The following PTCHD4 variants were observed in gnomAD, a reference collection of about 807,000 sequenced individuals.
PTCHD4 encodes the protein patched domain-containing protein 4.
PTCHD4 carries 33 observed loss-of-function variants against 58.1 expected under a neutral mutation model. That is an observed-to-expected ratio of 0.57 (90% CI 0.43 to 0.76). The LOEUF is 0.76. Ranked by LOEUF, PTCHD4 falls within the 30% of genes least tolerant of loss-of-function variation. The probability of loss-of-function intolerance (pLI) is 0.00; values close to 1 mark genes in which losing one functional copy is unlikely to be tolerated. For synonymous variants in PTCHD4, 478 were observed against 409.6 expected (o/e 1.17, Z -2.02); for missense variants, 1,058 against 1,027.1 (o/e 1.03, Z -0.41).
rs779799190 is a variant in PTCHD4, at chr6:48,008,801, G to C, written c.731C>G (p.Thr244Arg). 6.2e-7 allele frequency: 1 copy of C among 1,614,020 alleles called. No homozygotes were observed. The highest frequency in any genetic ancestry group is 1.7e-5 in the Admixed American group (1 of 60,008). The change falls in exon 4 of 5, where the codon ACA (threonine) becomes AGA (arginine). Residue 244 changes from threonine to arginine, a missense_variant. By Grantham distance (71) the Thr-to-Arg change is moderately conservative. Transcript: ENST00000339488. ...VLVSLVLILT[T>R]ATLSSSMKDC... The stretch of plus-strand genomic sequence containing the variant: ...CTTCATGGAGCTGGAGAGGGTGGCT[G>C]TGGTCAGGATCAGCACGAGGCTCAC...
In PTCHD4 at chr6:47,861,897, G is replaced by A. The variant is rs1417418502; in HGVS notation, c.*16406C>T. ...GGATGGATTAATGAATGAATGATAT[G>A]GCTAGTTCATCAGGTCATTTTATTT... On this transcript the variant is annotated 3_prime_UTR_variant, in exon 5 of 5. Transcript: ENST00000339488. Among the ~76,000 whole-genome samples, 1 of 151,784 alleles carries A rather than the reference G, an allele frequency of 6.6e-6. No homozygotes were observed. The highest frequency in any genetic ancestry group is 1.5e-5 in the Non-Finnish European group (1 of 67,868).
At chr6:47,959,808 A>T (rs1767009584) in intron 4 of PTCHD4, among the ~76,000 whole-genome samples, 1 of 152,052 alleles carries the variant, frequency 6.6e-6, no homozygotes, top group African/African-American at 2.4e-5. Flanking sequence ...CTACATCTAC[A>T]GAAAATATCA....
chr6:47,987,649 C>A (rs1463586330), intron 4 of PTCHD4, among the ~76,000 whole-genome samples: 1 of 152,124 alleles, frequency 6.6e-6, no homozygotes, highest in Non-Finnish European at 1.5e-5. Context: ...AATTTAATTC[C>A]AAGGGTTGCT....
At chr6:48,085,405 G>A (rs865945120) in intron 1 of PTCHD4, among the ~76,000 whole-genome samples, 9 of 152,062 alleles carry the variant, frequency 5.9e-5, no homozygotes, top group African/African-American at 1.7e-4. Flanking sequence ...CATATTGATA[G>A]AGGTTAATTT....
intron 4 of PTCHD4, among the ~76,000 whole-genome samples, chr6:47,902,726 G>T (rs1764751728): frequency 6.6e-6 from 1 of 152,038 alleles, no homozygotes; most frequent in South Asian, 2.1e-4. Context: ...CTTTTTCTAT[G>T]GAGGGGTCAT....
At chr6:47,905,840 TG>T (rs1764864510) in intron 4 of PTCHD4, among the ~76,000 whole-genome samples, 1 of 152,210 alleles carries the variant, frequency 6.6e-6, no homozygotes, top group African/African-American at 2.4e-5. Flanking sequence ...CCCTTTTTCT[TG>T]TTGCTACCAG....
intron 1 of PTCHD4, among the ~76,000 whole-genome samples, chr6:48,084,025 G>T (rs1268016469): frequency 3.3e-5 from 5 of 151,528 alleles, no homozygotes; most frequent in Non-Finnish European, 7.4e-5. Context: ...GTGGTAATTT[G>T]CTATAGCAGT....
At chr6:47,971,463 A>G (rs1395340771) in intron 4 of PTCHD4, among the ~76,000 whole-genome samples, 1 of 152,168 alleles carries the variant, frequency 6.6e-6, no homozygotes, top group East Asian at 1.9e-4. Context: ...GTTTCAGAAC[A>G]CTAGACTTTA....
At chr6:48,034,333 G>A (rs1340105819) in intron 3 of PTCHD4, among the ~76,000 whole-genome samples, 1 of 152,082 alleles carries the variant, frequency 6.6e-6, no homozygotes, top group Non-Finnish European at 1.5e-5. Context: ...AAGGAGAGAT[G>A]TCTAAGGACA....
rs1015682314 is a variant in PTCHD4 at position 47,860,676 on chromosome 6, C to G, written c.*17627G>C. On this transcript the variant is annotated 3_prime_UTR_variant, in exon 5 of 5. Transcript: ENST00000339488. Reference sequence around the variant, plus strand: ...CTTCAATTTCCTAGAGTATTGTTACCTAGCAGGGTCAGGGCTATTAGTGGA... The same window carrying G: ...CTTCAATTTCCTAGAGTATTGTTACGTAGCAGGGTCAGGGCTATTAGTGGA... Among the ~76,000 whole-genome samples, 1 of 151,686 alleles carries G rather than the reference C, an allele frequency of 6.6e-6. No individual in the cohort carries two copies. The highest frequency in any genetic ancestry group is 2.1e-4 in the South Asian group (1 of 4,812).
chr6:48,067,057 A>T lies in PTCHD4; in HGVS notation c.417+1173T>A, dbSNP rs9473223. ...ACATATCTTCACATACATTAAAAAA[A>T]TTTTTTTCTTCTTTGGAAACACCTG... On this transcript the variant is annotated intron_variant, in intron 3 of 4. Coordinates refer to ENST00000339488, the MANE Select transcript of PTCHD4 (RefSeq NM_001384253.1). Among the ~76,000 whole-genome samples, 924 of 152,226 alleles carry T rather than the reference A, an allele frequency of 6.1e-3. 7 individuals are homozygous for T. Among genetic ancestry groups the T allele is most frequent in the African/African-American group, 0.019 (781 of 41,540 alleles).
At chr6:48,002,610 G>A (rs549665319) in intron 4 of PTCHD4, among the ~76,000 whole-genome samples, 49 of 151,972 alleles carry the variant, frequency 3.2e-4, no homozygotes, top group African/African-American at 1.2e-3. Flanking sequence ...GGCCTGTTGT[G>A]GGGTGGGGGT....
intron 3 of PTCHD4, among the ~76,000 whole-genome samples, chr6:48,019,533 G>T (rs910587476): frequency 1.3e-5 from 2 of 152,132 alleles, no homozygotes; most frequent in Admixed American, 6.5e-5. Flanking sequence ...TCAGGAGATT[G>T]AGATCATCCT....
rs1159896099 is a variant in PTCHD4, at chr6:47,869,761, T to A, written c.*8542A>T. On this transcript the variant is annotated 3_prime_UTR_variant, in exon 5 of 5. Coordinates refer to ENST00000339488, the MANE Select transcript of PTCHD4 (RefSeq NM_001384253.1). ...CATTATAAGTTTTAGAACTTGTGATTCAATAAAATACTAAAAAAACATAGA... is the reference window on the plus strand; with the variant it reads ...CATTATAAGTTTTAGAACTTGTGATACAATAAAATACTAAAAAAACATAGA... Among the ~76,000 whole-genome samples the A allele has an allele frequency of 6.6e-6, 1 of 151,688 alleles. No individual in the cohort carries two copies. The highest frequency in any genetic ancestry group is 2.4e-5 in the African/African-American group (1 of 41,386).
At chr6:47,888,318 C>T (rs1364662455) in intron 4 of PTCHD4, among the ~76,000 whole-genome samples, 1 of 152,098 alleles carries the variant, frequency 6.6e-6, no homozygotes, top group Non-Finnish European at 1.5e-5. Context: ...GATAGCGCCA[C>T]TGCACTCCAG....
chr6:47,948,560 T>A (rs979268488), intron 4 of PTCHD4, among the ~76,000 whole-genome samples: 1 of 152,194 alleles, frequency 6.6e-6, no homozygotes, highest in African/African-American at 2.4e-5. Context: ...AACTTTAAAA[T>A]GAGAAACAGA....
Position 48,069,199 on chromosome 6 carries a change from G to GGGT in PTCHD4, c.-243_-242insACC, listed in dbSNP as rs1284034604. Among the ~76,000 whole-genome samples the GGGT allele has an allele frequency of 2.6e-4, 35 of 132,540 alleles. 1 individual carries two copies. Among genetic ancestry groups the GGGT allele is most frequent in the Non-Finnish European group, 1.8e-4 (11 of 61,928 alleles). 87.0% of individuals were successfully genotyped at this position (132,540 alleles called of 152,430 possible). Reference sequence around the variant, plus strand: ...AAGGGCGGGAGCACGTTGGGGGTGGGGGGGCAGATAAGCTTTTTTCTTTTT... The same window carrying GGGT: ...AAGGGCGGGAGCACGTTGGGGGTGGGGGTGGGGCAGATAAGCTTTTTTCTTTTT... On this transcript the variant is annotated 5_prime_UTR_variant, in exon 2 of 5. Transcript: ENST00000339488.
intron 4 of PTCHD4, among the ~76,000 whole-genome samples, chr6:47,906,029 A>G (rs1764872919): frequency 1.3e-5 from 2 of 152,356 alleles, no homozygotes; most frequent in South Asian, 4.1e-4. Context: ...GCCTGGCTTC[A>G]CAGTGTAAAA....
Position 47,867,691 on chromosome 6 carries a change from C to A in PTCHD4, c.*10612G>T, listed in dbSNP as rs1358544112. ...CACTTTTTCTCCCTGACTGTTGAGCCCATCCTCCATCTCTATCTATTAGAA... is the reference window on the plus strand; with the variant it reads ...CACTTTTTCTCCCTGACTGTTGAGCACATCCTCCATCTCTATCTATTAGAA... On this transcript the variant is annotated 3_prime_UTR_variant, in exon 5 of 5. Transcript: ENST00000339488. Among the ~76,000 whole-genome samples, 1 of 151,648 alleles carries A rather than the reference C, an allele frequency of 6.6e-6. No individual in the cohort carries two copies. The highest frequency in any genetic ancestry group is 1.5e-5 in the Non-Finnish European group (1 of 67,790).
Sources: allele counts gnomAD v4.1 joint callset (sites outside exome capture counted in the v4.1 genomes callset), GRCh38; gene constraint gnomAD v4.1.1; transcripts MANE v1.5; gene names NCBI Gene and HGNC (gene_info 2026-07-23, HGNC 2026-07-21).